RGS7BP: variants seen among roughly 807,000 people sequenced by gnomAD.
The protein encoded by RGS7BP is regulator of G protein signaling 7-binding protein.
RGS7BP carries 9 observed loss-of-function variants against 31.3 expected under a neutral mutation model. The observed-to-expected ratio is 0.29, with a 90% CI of 0.17 to 0.50. RGS7BP has a LOEUF of 0.50. Among genes scored for constraint, RGS7BP ranks in the 20% least tolerant of loss-of-function variants. The probability of loss-of-function intolerance (pLI) is 0.98; values close to 1 mark genes in which losing one functional copy is unlikely to be tolerated. For synonymous variants in RGS7BP, 115 were observed against 120.1 expected (o/e 0.96, Z 0.28); for missense variants, 274 against 322.0 (o/e 0.85, Z 1.14).
intron 2 of RGS7BP, among the ~76,000 whole-genome samples, chr5:64,528,909 A>T: frequency 6.6e-6 from 1 of 152,070 alleles, no homozygotes; most frequent in Non-Finnish European, 1.5e-5. Flanking sequence ...GATATAGGTA[A>T]GGAACTAAGC....
chr5:64,575,650 A>G (rs1159097344), intron 2 of RGS7BP, 124 bp from the exon 3 acceptor site: 2 of 1,403,148 alleles, frequency 1.4e-6, no homozygotes, highest in Non-Finnish European at 1.9e-6. Flanking sequence ...AGGAAGTCCT[A>G]TATTTTAGGA....
At chr5:64,514,535 G>A (rs1748921885) in intron 2 of RGS7BP, among the ~76,000 whole-genome samples, 3 of 152,196 alleles carry the variant, frequency 2.0e-5, no homozygotes, top group Admixed American at 6.5e-5. Context: ...TAAGGGTAGA[G>A]TTTGTGACCA....
rs962323095 is a variant in RGS7BP at position 64,580,326 on chromosome 5, C to G, written c.463+4422C>G. Among the ~76,000 whole-genome samples the G allele has an allele frequency of 2.6e-5, 4 of 152,002 alleles. No homozygotes were observed. In the East Asian group the frequency reaches 7.7e-4, roughly 29 times the overall value. ...TACTACCATCGGAGAGAAAGGCAGA[C>G]AAATGTTTCATCTTCATAAAAATAA... On this transcript the variant is annotated intron_variant, in intron 3 of 5. Transcript: ENST00000334025.
chr5:64,565,609 C>T (rs1361233542), intron 2 of RGS7BP, among the ~76,000 whole-genome samples: 1 of 152,060 alleles, frequency 6.6e-6, no homozygotes, highest in Non-Finnish European at 1.5e-5. Flanking sequence ...ACCGTAACCC[C>T]AGCCTTCCAA....
chr5:64,528,033 C>T (rs1425065088), intron 2 of RGS7BP, among the ~76,000 whole-genome samples: 2 of 152,162 alleles, frequency 1.3e-5, no homozygotes, highest in Non-Finnish European at 2.9e-5. Context: ...AGAGCTTTAG[C>T]TTTTATATTT....
At chr5:64,525,743 G>A (rs1006822823) in intron 2 of RGS7BP, among the ~76,000 whole-genome samples, 1 of 152,130 alleles carries the variant, frequency 6.6e-6, no homozygotes, top group Non-Finnish European at 1.5e-5. Context: ...GACCCCACAG[G>A]TGCCCCTCTC....
intron 2 of RGS7BP, among the ~76,000 whole-genome samples, chr5:64,557,731 T>TTTGCCC (rs1222532168): frequency 5.9e-5 from 9 of 152,142 alleles, no homozygotes; most frequent in Non-Finnish European, 1.3e-4. Context: ...CACTTTTGAC[T>TTTGCCC]TTGCCCTTGC....
chr5:64,555,727 T>G (rs1390734327), intron 2 of RGS7BP, among the ~76,000 whole-genome samples: 1 of 152,034 alleles, frequency 6.6e-6, no homozygotes, highest in African/African-American at 2.4e-5. Context: ...AAAAAGCACA[T>G]GGTAAAACAA....
chr5:64,595,634 C>G (rs1287974852), intron 4 of RGS7BP, among the ~76,000 whole-genome samples: 1 of 152,132 alleles, frequency 6.6e-6, no homozygotes, highest in African/African-American at 2.4e-5. Flanking sequence ...TTTGCCTTTA[C>G]ACTGATATCT....
chr5:64,530,603 G>A (rs1419150436), intron 2 of RGS7BP, among the ~76,000 whole-genome samples: 2 of 152,144 alleles, frequency 1.3e-5, no homozygotes, highest in African/African-American at 4.8e-5. Flanking sequence ...ACTTTCCACT[G>A]TGCCATGACT....
At chr5:64,532,126 T>C (rs574321088) in intron 2 of RGS7BP, among the ~76,000 whole-genome samples, 6 of 152,216 alleles carry the variant, frequency 3.9e-5, no homozygotes, top group African/African-American at 9.6e-5. Flanking sequence ...TTTCAGAAAA[T>C]GAAAAAGAAG....
At chr5:64,512,202 G>T (rs969037159) in intron 2 of RGS7BP, among the ~76,000 whole-genome samples, 5 of 152,148 alleles carry the variant, frequency 3.3e-5, no homozygotes, top group African/African-American at 1.2e-4. Context: ...TTGGTTAATG[G>T]CTCTCAAGAG....
chr5:64,538,184 T>G (rs1741421531), intron 2 of RGS7BP, among the ~76,000 whole-genome samples: 1 of 152,156 alleles, frequency 6.6e-6, no homozygotes, highest in South Asian at 2.1e-4. Context: ...AACTTTTTTC[T>G]GTCTCCCTAA....
intron 3 of RGS7BP, among the ~76,000 whole-genome samples, chr5:64,581,401 G>A (rs1742593626): frequency 6.6e-6 from 1 of 152,142 alleles, no homozygotes; most frequent in African/African-American, 2.4e-5. Flanking sequence ...TCATTAGGAT[G>A]AGATACTGAA....
At chr5:64,521,634 A>T (rs917814608) in intron 2 of RGS7BP, among the ~76,000 whole-genome samples, 1 of 152,102 alleles carries the variant, frequency 6.6e-6, no homozygotes, top group Non-Finnish European at 1.5e-5. Context: ...CTATTTTTCC[A>T]TTACCATGAA....
chr5:64,593,923 G>A lies in RGS7BP; in HGVS notation c.464-787G>A, dbSNP rs1427128882. Among the ~76,000 whole-genome samples the A allele has an allele frequency of 3.3e-5, 5 of 152,112 alleles. No homozygotes were observed. The South Asian group carries it at 8.3e-4, about 25-fold the overall frequency. ...AAAGAATAAAAGACATTAAGAGATTGTGCCTAGGCCATACGACATAACCTC... is the reference window on the plus strand; with the variant it reads ...AAAGAATAAAAGACATTAAGAGATTATGCCTAGGCCATACGACATAACCTC... On this transcript the variant is annotated intron_variant, in intron 3 of 5. Transcript: ENST00000334025.
chr5:64,581,104 C>T (rs1742585476), intron 3 of RGS7BP, among the ~76,000 whole-genome samples: 1 of 152,038 alleles, frequency 6.6e-6, no homozygotes, highest in Admixed American at 6.5e-5. Context: ...GTCCCAGCTA[C>T]TTGGGAGGCT....
intron 2 of RGS7BP, among the ~76,000 whole-genome samples, chr5:64,564,649 A>G (rs1434837810): frequency 6.6e-6 from 1 of 152,156 alleles, no homozygotes; most frequent in East Asian, 1.9e-4. Flanking sequence ...AAATTGATGC[A>G]AGCATTTGCT....
intron 2 of RGS7BP, among the ~76,000 whole-genome samples, chr5:64,574,825 C>T (rs1742378894): frequency 6.6e-6 from 1 of 152,106 alleles, no homozygotes; most frequent in African/African-American, 2.4e-5. Flanking sequence ...AATCCAAATG[C>T]TATATTTAAA....
Sources: allele counts gnomAD v4.1 joint callset (sites outside exome capture counted in the v4.1 genomes callset), GRCh38; gene constraint gnomAD v4.1.1; transcripts MANE v1.5; gene names NCBI Gene and HGNC (gene_info 2026-07-23, HGNC 2026-07-21).